Variants in NBPF8 observed in about 807,000 individuals in gnomAD.
The protein encoded by NBPF8 is NBPF family member NBPF8.
exon 25 of NBPF8, chr1:120,466,101 G>A: frequency 6.2e-7 from 1 of 1,611,578 alleles, no homozygotes. Context: ...ACAGAAGTGT[G>A]TTTTACTCAT....
intron 1 of NBPF8, among the ~76,000 whole-genome samples, chr1:120,420,630 C>T (rs1267406889): frequency 5.4e-5 from 8 of 147,604 alleles, no homozygotes; most frequent in Middle Eastern, 3.2e-3. Flanking sequence ...GGCTCAGTTG[C>T]CAGTATAATG....
At chr1:120,466,342 G>T (rs1661750773) in exon 25 of NBPF8, 2 of 1,393,010 alleles carry the variant, frequency 1.4e-6, no homozygotes, top group Admixed American at 2.1e-5. Context: ...AGTGGGCATG[G>T]CTCTATTCCT....
chr1:120,415,560 G>T (rs1383104727), upstream of NBPF8, among the ~76,000 whole-genome samples: 1 of 152,192 alleles, frequency 6.6e-6, no homozygotes, highest in African/African-American at 2.4e-5. Context: ...GCAGCTTCGG[G>T]GGCACGTCCT....
Position 120,427,686 on chromosome 1 carries a change from G to T in NBPF8, n.369-20G>T, listed in dbSNP as rs4124940. ...TTTTCCTCTGGGGAGGTAAATAAAT[G>T]ATTTGTTTCTTCTTGGTAGCCCTTG... On this transcript the variant is annotated intron_variant and non_coding_transcript_variant, in intron 2 of 28. Coordinates refer to the NBPF8 transcript ENST00000652355. 9.0e-6 allele frequency among the ~76,000 whole-genome samples: 1 copy of T among 110,536 alleles called. No individual in the cohort carries two copies. The highest frequency in any genetic ancestry group is 1.8e-5 in the Non-Finnish European group (1 of 54,298). 72.5% of individuals were successfully genotyped at this position (110,536 alleles called of 152,430 possible). A position where few individuals can be genotyped will look rare whatever the true frequency, so the allele number is the denominator to read the frequency against.
upstream of NBPF8, among the ~76,000 whole-genome samples, chr1:120,434,729 C>A: frequency 7.0e-6 from 1 of 141,984 alleles, no homozygotes; most frequent in Admixed American, 7.2e-5. Flanking sequence ...TAATATTAAC[C>A]ACTCTCCATC....
At chr1:120,421,126 C>T (rs1660562609) in intron 1 of NBPF8, among the ~76,000 whole-genome samples, 3 of 151,552 alleles carry the variant, frequency 2.0e-5, no homozygotes, top group Admixed American at 1.3e-4. Flanking sequence ...CTTTTGGGCA[C>T]CAGAACTTAT....
chr1:120,424,074 TC>T (rs1660643233), intron 1 of NBPF8, among the ~76,000 whole-genome samples: 1 of 152,172 alleles, frequency 6.6e-6, no homozygotes, highest in Non-Finnish European at 1.5e-5. Flanking sequence ...CTTCCCAAAT[TC>T]CCTTGAACCT....
At chr1:120,464,251 C>A in intron 22 of NBPF8, 125 bp from the exon 21 acceptor site, 1 of 602,140 alleles carries the variant, frequency 1.7e-6, no homozygotes, top group Non-Finnish European at 3.0e-6. Flanking sequence ...TAATTTGTTA[C>A]CTCATTAATG....
At chr1:120,436,396 A>T (rs2101617827) in exon 1 of NBPF8, 1 of 1,374,266 alleles carries the variant, frequency 7.3e-7, no homozygotes, top group South Asian at 1.3e-5. Context: ...GTAAGGTAAG[A>T]ATTTCAGTTA....
chr1:120,466,044 T>G (rs1265024151), exon 25 of NBPF8: 1 of 1,611,902 alleles, frequency 6.2e-7, no homozygotes, highest in Non-Finnish European at 8.5e-7. Flanking sequence ...ATAGATGTTA[T>G]TCGACTCCAT....
At chr1:120,418,793 C>T (rs1184006228), upstream of NBPF8, among the ~76,000 whole-genome samples, 25 of 149,178 alleles carry the variant, frequency 1.7e-4, no homozygotes, top group African/African-American at 5.3e-4. Context: ...AATGACCCTC[C>T]CACCTTGGCA....
exon 25 of NBPF8, chr1:120,466,274 G>T: frequency 5.6e-6 from 9 of 1,596,222 alleles, no homozygotes; most frequent in Non-Finnish European, 7.7e-6. Context: ...ACCTATAGGC[G>T]CCTGAAGATT....
chr1:120,419,127 C>G (rs1328011525), upstream of NBPF8, among the ~76,000 whole-genome samples: 3 of 152,160 alleles, frequency 2.0e-5, no homozygotes, highest in African/African-American at 7.2e-5. Context: ...TCAACAATCT[C>G]CAAGTGTCAC....
chr1:120,450,176 A>G (rs1307047966), intron 11 of NBPF8, among the ~76,000 whole-genome samples: 86 of 152,272 alleles, frequency 5.6e-4, no homozygotes, highest in African/African-American at 2.0e-3. Flanking sequence ...GCAGTGAGCC[A>G]AGGTTTTGCC....
intron 20 of NBPF8, among the ~76,000 whole-genome samples, chr1:120,462,589 TC>T (rs1661623837): frequency 3.0e-5 from 3 of 101,558 alleles, no homozygotes; most frequent in African/African-American, 1.1e-4. Flanking sequence ...CCTCTCTCTC[TC>T]TCTCCCTCTC....
intron 15 of NBPF8, 123 bp downstream of exon 13, chr1:120,454,237 A>G: frequency 6.5e-7 from 1 of 1,545,566 alleles, no homozygotes; most frequent in Non-Finnish European, 8.9e-7. Flanking sequence ...CTAAACAGAT[A>G]TCAGGGAGTT....
At chr1:120,450,221 TTAAAAA>T (rs1206655415) in intron 11 of NBPF8, among the ~76,000 whole-genome samples, 6 of 151,672 alleles carry the variant, frequency 4.0e-5, no homozygotes, top group African/African-American at 1.5e-4. Context: ...GGCAAGACTG[TTAAAAA>T]TAATAATAAT....
chr1:120,434,276 GTA>G (rs1409210594), upstream of NBPF8, among the ~76,000 whole-genome samples: 1 of 60,732 alleles, frequency 1.6e-5, no homozygotes, highest in Non-Finnish European at 3.2e-5. Flanking sequence ...TGTATATTAT[GTA>G]TATACACGTA....
At chr1:120,415,437 C>T (rs1553245001), upstream of NBPF8, among the ~76,000 whole-genome samples, 2 of 152,138 alleles carry the variant, frequency 1.3e-5, no homozygotes, top group African/African-American at 4.8e-5. Context: ...GGCTTAAGTT[C>T]CATGCGTTCG....
Sources: allele counts gnomAD v4.1 joint callset (sites outside exome capture counted in the v4.1 genomes callset), GRCh38; gene constraint gnomAD v4.1.1; transcripts MANE v1.5; gene names NCBI Gene and HGNC (gene_info 2026-07-23, HGNC 2026-07-21).